WNK3: variants seen among roughly 807,000 people sequenced by gnomAD.
The protein encoded by WNK3 is WNK lysine deficient protein kinase 3, also known as serine/threonine-protein kinase WNK3.
Under a neutral mutation model 116.7 loss-of-function variants are expected in WNK3, and 18 were observed. The observed-to-expected ratio is 0.15, with a 90% CI of 0.11 to 0.23. The LOEUF (loss-of-function observed/expected upper bound fraction) is 0.23, where lower values mean the gene tolerates loss of function less well. Ranked by LOEUF, WNK3 falls within the 10% of genes least tolerant of loss-of-function variation. The probability of loss-of-function intolerance (pLI) is 1.00; values close to 1 mark genes in which losing one functional copy is unlikely to be tolerated. For missense variants in WNK3, 993 were observed against 1,323.8 expected (o/e 0.75, Z 3.88); for synonymous variants, 404 against 469.4 (o/e 0.86, Z 1.80).
intron 12 of WNK3, among the ~76,000 whole-genome samples, chrX:54,255,533 G>A (rs1232920090): frequency 7.2e-5 from 8 of 111,721 alleles, no homozygotes; most frequent in Non-Finnish European, 1.5e-4. Flanking sequence ...TCTGAATGGT[G>A]GTTAAAAGTA....
chrX:54,286,920 A>G (rs1482677370), intron 10 of WNK3, among the ~76,000 whole-genome samples: 1 of 109,726 alleles, frequency 9.1e-6, no homozygotes, highest in African/African-American at 3.3e-5. Flanking sequence ...CTCAAAAAAA[A>G]AAAAAAAGCA....
At chrX:54,313,629 C>T (rs577836546) in intron 2 of WNK3, among the ~76,000 whole-genome samples, 3 of 110,082 alleles carry the variant, frequency 2.7e-5, no homozygotes, top group African/African-American at 6.6e-5. Context: ...GGATTACAGG[C>T]GTGAGCCACC....
chrX:54,238,584 C>T (rs1003424201), intron 18 of WNK3, 112 bp from the exon 19 acceptor site: 3 of 760,806 alleles, frequency 3.9e-6, no homozygotes, highest in Non-Finnish European at 3.7e-6. Context: ...TCCTGCTAGA[C>T]AATTAAAAGG....
intron 22 of WNK3, chrX:54,223,703 A>G: frequency 7.5e-6 from 1 of 132,958 alleles, no homozygotes; most frequent in Non-Finnish European, 1.5e-5. Context: ...GTCTCCACTA[A>G]GGCCTTTGAG....
chrX:54,198,348 G>A (rs1450683258), exon 24 of WNK3: 10 of 1,196,440 alleles, frequency 8.4e-6, no homozygotes, highest in Non-Finnish European at 1.1e-5. Context: ...GAGGGATTGT[G>A]GCAGGATTCT....
intron 10 of WNK3, among the ~76,000 whole-genome samples, chrX:54,279,094 A>T (rs920784361): frequency 1.1e-4 from 12 of 109,743 alleles, no homozygotes; most frequent in Non-Finnish European, 2.1e-4. Flanking sequence ...ATAAATAAAT[A>T]AAATAAAATA....
chrX:54,345,611 T>C (rs2069411477), intron 1 of WNK3, among the ~76,000 whole-genome samples: 2 of 108,938 alleles, frequency 1.8e-5, no homozygotes, highest in South Asian at 7.9e-4. Context: ...AGAAACCCCA[T>C]CTCTACTAAA....
At chrX:54,304,306 G>A (rs931792956) in intron 5 of WNK3, among the ~76,000 whole-genome samples, 5 of 110,302 alleles carry the variant, frequency 4.5e-5, no homozygotes, top group African/African-American at 1.7e-4. Context: ...AAGGTGGGTG[G>A]ATTGCGTGAG....
At chrX:54,267,793 CA>C (rs1469775294) in intron 10 of WNK3, among the ~76,000 whole-genome samples, 1 of 109,193 alleles carries the variant, frequency 9.2e-6, no homozygotes, top group Non-Finnish European at 1.9e-5. Context: ...GAGACTCTCT[CA>C]AAAAAAGAGC....
intron 7 of WNK3, among the ~76,000 whole-genome samples, chrX:54,297,297 G>A (rs184643785): frequency 4.5e-5 from 5 of 111,521 alleles, no homozygotes; most frequent in African/African-American, 1.3e-4. Context: ...GGTAGGGGCC[G>A]GGCACAGTGG....
chrX:54,319,204 T>A (rs1333325626), intron 2 of WNK3, among the ~76,000 whole-genome samples: 1 of 110,853 alleles, frequency 9.0e-6, no homozygotes, highest in East Asian at 2.8e-4. Context: ...ACTCTGTCAC[T>A]CAGGCTGGAG....
At chrX:54,259,135 AAC>A in intron 11 of WNK3, 137 bp downstream of exon 11, 2 of 330,631 alleles carry the variant, frequency 6.0e-6, no homozygotes, top group Non-Finnish European at 1.0e-5. Flanking sequence ...AAAAAAAAAA[AAC>A]TATCGTCTTT....
chrX:54,227,044 A>G (rs1489273042), intron 22 of WNK3, among the ~76,000 whole-genome samples: 1 of 111,813 alleles, frequency 8.9e-6, no homozygotes, highest in African/African-American at 3.2e-5. Context: ...AAACCATTAA[A>G]AACTTTTTGT....
At chrX:54,345,213 G>A (rs1217450284) in intron 1 of WNK3, among the ~76,000 whole-genome samples, 3 of 103,124 alleles carry the variant, frequency 2.9e-5, no homozygotes, top group African/African-American at 1.0e-4. Context: ...CTGCACTCCA[G>A]CCTGGGGAAC....
chrX:54,270,324 T>G (rs1414557341), intron 10 of WNK3, among the ~76,000 whole-genome samples: 1 of 109,898 alleles, frequency 9.1e-6, no homozygotes, highest in East Asian at 2.9e-4. Context: ...AGGCTGGTCT[T>G]GAACTCCCGA....
rs782106875 is a variant in WNK3, at chrX:54,222,395, T to A, written c.4870+6319A>T. On this transcript the variant is annotated intron_variant, in intron 22 of 23. Transcript: ENST00000354646. ...GTGAGAGCCTGTATTTAAAAAAAAATTTTTTTTTTTTTAATTAGCTGAGCA... is the reference window on the plus strand; with the variant it reads ...GTGAGAGCCTGTATTTAAAAAAAAAATTTTTTTTTTTTAATTAGCTGAGCA... Among the ~76,000 whole-genome samples, 85 of 102,421 alleles carry A rather than the reference T, an allele frequency of 8.3e-4. 2 individuals are homozygous for A. In the East Asian group the frequency reaches 0.013, roughly 16 times the overall value. 88.9% of individuals were successfully genotyped at this position (102,421 alleles called of 115,157 possible).
At chrX:54,295,550 T>C (rs782628607) in intron 7 of WNK3, among the ~76,000 whole-genome samples, 4 of 112,237 alleles carry the variant, frequency 3.6e-5, no homozygotes, top group African/African-American at 1.3e-4. Context: ...TGGTCCTTTG[T>C]CCTGTATGAG....
chrX:54,286,709 G>A lies in WNK3; in HGVS notation c.2037+6179C>T, dbSNP rs1326919456. Among the ~76,000 whole-genome samples the A allele has an allele frequency of 2.7e-5, 3 of 109,800 alleles. No individual in the cohort carries two copies. The Admixed American group carries it at 3.0e-4, about 11-fold the overall frequency. Reference sequence around the variant, plus strand: ...GGGTGAAACACTTGAAGTCAGGAGTGCGAGACCAGCCTGGGCAACATGGTG... The same window carrying A: ...GGGTGAAACACTTGAAGTCAGGAGTACGAGACCAGCCTGGGCAACATGGTG... On this transcript the variant is annotated intron_variant, in intron 10 of 23. Transcript: ENST00000354646.
intron 10 of WNK3, among the ~76,000 whole-genome samples, chrX:54,272,445 GA>G (rs1266346307): frequency 5.3e-5 from 5 of 94,775 alleles, no homozygotes; most frequent in Admixed American, 1.2e-4. Flanking sequence ...TATCTCAAAA[GA>G]AAAAAAAAAG....
Sources: allele counts gnomAD v4.1 joint callset (sites outside exome capture counted in the v4.1 genomes callset), GRCh38; gene constraint gnomAD v4.1.1; transcripts MANE v1.5; gene names NCBI Gene and HGNC (gene_info 2026-07-23, HGNC 2026-07-21).